Variants in PTBP2 observed in about 807,000 individuals in gnomAD.
PTBP2 encodes the protein polypyrimidine tract-binding protein 2.
PTBP2 carries 13 observed loss-of-function variants against 61.4 expected under a neutral mutation model. The ratio of observed to expected loss-of-function variants is 0.21; its 90% CI spans 0.14 to 0.34. The LOEUF (loss-of-function observed/expected upper bound fraction) is 0.34. Ranked by LOEUF, PTBP2 falls within the 10% of genes least tolerant of loss-of-function variation. The pLI is 1.00. For synonymous variants in PTBP2, 215 were observed against 218.5 expected (o/e 0.98, Z 0.14); for missense variants, 405 against 642.6 (o/e 0.63, Z 4.00).
downstream of PTBP2, chr1:96,816,987 TA>T (rs1662511849): frequency 6.6e-6 from 1 of 152,162 alleles, no homozygotes; most frequent in Non-Finnish European, 1.5e-5. Context: ...AATTATTTAC[TA>T]GTTTCATAAA....
intron 3 of PTBP2, among the ~76,000 whole-genome samples, chr1:96,759,256 A>C (rs1350446075): frequency 6.6e-6 from 1 of 152,212 alleles, no homozygotes; most frequent in Non-Finnish European, 1.5e-5. Context: ...TTGAGAGTAC[A>C]TTCTAAAATT....
At position 96,788,269 on chromosome 1, in the gene PTBP2, A is replaced by T. The variant is rs1463297094; in HGVS notation, c.904+3015A>T. 4.6e-5 allele frequency among the ~76,000 whole-genome samples: 7 copies of T among 152,104 alleles called. No homozygotes were observed. The South Asian group carries it at 1.4e-3, about 31-fold the overall frequency. On this transcript the variant is annotated intron_variant, in intron 8 of 13. Transcript: ENST00000674951. Reference sequence around the variant, plus strand: ...CATATTTTGGATGAGCCAAGCCTTCAGCTTTATTCACTTATGTTAGGTCAG... The same window carrying T: ...CATATTTTGGATGAGCCAAGCCTTCTGCTTTATTCACTTATGTTAGGTCAG...
intron 2 of PTBP2, chr1:96,749,718 G>A (rs1480804302): frequency 2.2e-6 from 1 of 452,970 alleles, no homozygotes; most frequent in Non-Finnish European, 4.5e-6. Flanking sequence ...TAAATATGTG[G>A]GGACATTGTA....
chr1:96,815,199 T>G (rs948662123), downstream of PTBP2: 8 of 150,682 alleles, frequency 5.3e-5, no homozygotes, highest in Non-Finnish European at 7.4e-5. Flanking sequence ...CTTGTTGTTT[T>G]TTTTTTTTTT....
intron 3 of PTBP2, among the ~76,000 whole-genome samples, chr1:96,759,109 A>C (rs887373598): frequency 2.0e-5 from 3 of 152,206 alleles, no homozygotes; most frequent in Admixed American, 6.5e-5. Flanking sequence ...CTACACCAAT[A>C]TGAAACACTG....
chr1:96,791,834 T>TGTTTTTTTTTTGTTTTTTTTG, intron 8 of PTBP2, among the ~76,000 whole-genome samples: 1 of 128,810 alleles, frequency 7.8e-6, no homozygotes, highest in East Asian at 2.3e-4. Context: ...TGCTTTTTTT[T>TGTTTTTTTTTTGTTTTTTTTG]TTTTTTTTTT....
chr1:96,800,752 A>G (rs1660900843), intron 8 of PTBP2, among the ~76,000 whole-genome samples: 1 of 152,068 alleles, frequency 6.6e-6, no homozygotes, highest in Admixed American at 6.6e-5. Context: ...AGGGTGGGGA[A>G]GCTTTAGCCT....
intron 3 of PTBP2, among the ~76,000 whole-genome samples, chr1:96,768,132 T>C (rs1405484189): frequency 1.3e-5 from 2 of 152,046 alleles, no homozygotes; most frequent in Admixed American, 1.3e-4. Flanking sequence ...AAAGTAACTT[T>C]TAAGCACATC....
At chr1:96,740,696 TTGTTTTGCA>T (rs1652882744) in intron 2 of PTBP2, among the ~76,000 whole-genome samples, 1 of 152,146 alleles carries the variant, frequency 6.6e-6, no homozygotes, top group South Asian at 2.1e-4. Flanking sequence ...ATATATGGTT[TTGTTTTGCA>T]TGTTTAAACT....
At chr1:96,809,279 G>T (rs1000701026) in intron 11 of PTBP2, among the ~76,000 whole-genome samples, 5 of 152,114 alleles carry the variant, frequency 3.3e-5, no homozygotes, top group Admixed American at 1.3e-4. Context: ...TACCTTAACA[G>T]AATTATGTGT....
chr1:96,721,892 A>G lies in PTBP2; in HGVS notation c.8+20A>G, dbSNP rs1426671199. The G allele has an allele frequency of 5.7e-6, 9 of 1,573,420 alleles. No individual in the cohort carries two copies. Among genetic ancestry groups the G allele is most frequent in the Non-Finnish European group, 7.8e-6 (9 of 1,159,188 alleles). ...GGACGGGTATGTAATCGGGCCGGCG[A>G]GAAGGTGTGTGTGAGAGAGGAGTTG... On this transcript the variant is annotated intron_variant, in intron 1 of 13. Transcript: ENST00000674951.
At chr1:96,748,966 A>C (rs1488872661) in intron 2 of PTBP2, among the ~76,000 whole-genome samples, 1 of 152,210 alleles carries the variant, frequency 6.6e-6, no homozygotes, top group East Asian at 1.9e-4. Context: ...ATTTGTAAAA[A>C]TACTCCAGTA....
intron 2 of PTBP2, among the ~76,000 whole-genome samples, chr1:96,727,805 C>G (rs1295862268): frequency 2.0e-5 from 3 of 152,016 alleles, no homozygotes; most frequent in African/African-American, 4.8e-5. Flanking sequence ...ATAAGGCCTG[C>G]AAATATTTTC....
intron 2 of PTBP2, among the ~76,000 whole-genome samples, chr1:96,724,753 G>A (rs1346376131): frequency 1.3e-5 from 2 of 151,792 alleles, no homozygotes; most frequent in Non-Finnish European, 2.9e-5. Context: ...TATACCTAAT[G>A]CTAAATGACA....
chr1:96,777,639 C>G lies in PTBP2; in HGVS notation c.487C>G (p.Leu163Val). 6.2e-7 allele frequency: 1 copy of G among 1,613,570 alleles called. No individual in the cohort carries two copies. The highest frequency in any genetic ancestry group is 8.5e-7 in the Non-Finnish European group (1 of 1,179,646). Residue 163 changes from leucine to valine, a missense_variant, in exon 6 of 14, where the codon CTT becomes GTT. Physicochemically the swap from Leu to Val is conservative, Grantham distance 32. Around this residue, in one of 4 missense-constraint regions of PTBP2, gnomAD observed 342 missense variants for 491.2 expected, o/e 0.70. Transcript: ENST00000674951. ...VTAVQTANTPLSGTTVSESAV... is the reference protein window; with the variant it reads ...VTAVQTANTPVSGTTVSESAV... ...AGCTGTCCAGACAGCAAATACTCCTCTTAGTGGCACCACAGTTAGCGAGAG... is the reference window on the plus strand; with the variant it reads ...AGCTGTCCAGACAGCAAATACTCCTGTTAGTGGCACCACAGTTAGCGAGAG...
intron 8 of PTBP2, among the ~76,000 whole-genome samples, chr1:96,789,804 C>A (rs185850442): frequency 1.5e-4 from 23 of 152,118 alleles, no homozygotes; most frequent in Admixed American, 1.4e-3. Context: ...CTTTTGTGTT[C>A]TAAAGCAAAT....
intron 3 of PTBP2, among the ~76,000 whole-genome samples, chr1:96,754,116 T>C (rs1654890410): frequency 6.6e-6 from 1 of 151,984 alleles, no homozygotes; most frequent in African/African-American, 2.4e-5. Context: ...GTAGTCAAAA[T>C]ATTGAAAACT....
intron 11 of PTBP2, 23 bp from the exon 12 acceptor site, chr1:96,812,689 A>G (rs1230598873): frequency 6.7e-7 from 1 of 1,492,588 alleles, no homozygotes; most frequent in East Asian, 2.3e-5. Context: ...TTGTTTGTTA[A>G]TAGACATGCT....
At chr1:96,749,356 A>G (rs185061675) in intron 2 of PTBP2, among the ~76,000 whole-genome samples, 12 of 152,306 alleles carry the variant, frequency 7.9e-5, no homozygotes, top group Admixed American at 7.9e-4. Flanking sequence ...ATAAGCTGAT[A>G]ATAATACATT....
Sources: allele counts gnomAD v4.1 joint callset (sites outside exome capture counted in the v4.1 genomes callset), GRCh38; gene constraint gnomAD v4.1.1; regional missense constraint gnomAD v4.1.1; transcripts MANE v1.5; gene names NCBI Gene and HGNC (gene_info 2026-07-23, HGNC 2026-07-21).